GRAMD4: variants seen among roughly 807,000 people sequenced by gnomAD.
GRAMD4 encodes the protein GRAM domain-containing protein 4.
In GRAMD4, 25 loss-of-function variants were observed where a neutral mutation model predicts 83.9. The ratio of observed to expected loss-of-function variants is 0.30; its 90% CI spans 0.22 to 0.42. GRAMD4 has a LOEUF of 0.42. Among genes scored for constraint, GRAMD4 ranks in the 10% least tolerant of loss-of-function variants. The pLI, the probability that GRAMD4 is intolerant of heterozygous loss-of-function variation, is 1.00. For synonymous variants in GRAMD4, 336 were observed against 320.9 expected, an observed-to-expected ratio of 1.05 and a Z score of -0.50; for missense variants, 593 against 788.7, an observed-to-expected ratio of 0.75 and a Z score of 2.97.
chr22:46,647,134 T>C (rs369876835), intron 3 of GRAMD4, among the ~76,000 whole-genome samples: 109 of 152,284 alleles, frequency 7.2e-4, no homozygotes, highest in African/African-American at 2.5e-3. Flanking sequence ...TGGGTTGGTC[T>C]GGTTCTGCCC....
At chr22:46,613,977 G>C (rs551428099) in intron 1 of GRAMD4, among the ~76,000 whole-genome samples, 36 of 152,232 alleles carry the variant, frequency 2.4e-4, no homozygotes, top group African/African-American at 8.4e-4. Flanking sequence ...TCATGGCCGC[G>C]GCTGCAGCAG....
chr22:46,602,042 AAG>A (rs1477073599), intron 1 of GRAMD4, among the ~76,000 whole-genome samples: 7 of 152,138 alleles, frequency 4.6e-5, no homozygotes. Context: ...ACGTGCTGGC[AAG>A]TGACCACGTC....
At chr22:46,616,688 A>G (rs1485312359), upstream of GRAMD4, among the ~76,000 whole-genome samples, 1 of 87,220 alleles carries the variant, frequency 1.1e-5, no homozygotes, top group African/African-American at 4.6e-5. Flanking sequence ...CTGTGCGTGT[A>G]GGTTCCCCTG....
At chr22:46,608,091 G>A (rs909102607) in intron 1 of GRAMD4, among the ~76,000 whole-genome samples, 1 of 152,204 alleles carries the variant, frequency 6.6e-6, no homozygotes, top group African/African-American at 2.4e-5. Context: ...TGCGTGGCTC[G>A]GTCATTGTGG....
chr22:46,575,947 C>G (rs1476927056), upstream of GRAMD4: 1 of 152,352 alleles, frequency 6.6e-6, no homozygotes, highest in Admixed American at 6.5e-5. Flanking sequence ...CAAAGAGAGG[C>G]CCTGAATCTT....
chr22:46,589,950 C>T (rs1307601254), intron 1 of GRAMD4, among the ~76,000 whole-genome samples: 4 of 152,256 alleles, frequency 2.6e-5, no homozygotes, highest in African/African-American at 9.6e-5. Context: ...CCCCTCGTGG[C>T]CCTCCCTGCT....
At chr22:46,583,576 T>C (rs1176670164) in intron 1 of GRAMD4, among the ~76,000 whole-genome samples, 2 of 152,174 alleles carry the variant, frequency 1.3e-5, no homozygotes, top group African/African-American at 2.4e-5. Flanking sequence ...AAATAGTAGG[T>C]GTATTGTGGG....
Position 46,679,522 on chromosome 22 carries a change from T to C in GRAMD4, c.*2271T>C. 1.0e-6 allele frequency: 1 copy of C among 985,582 alleles called. No individual in the cohort carries two copies. The highest frequency in any genetic ancestry group is 1.2e-6 in the Non-Finnish European group (1 of 829,864). 61.1% of individuals were successfully genotyped at this position (985,582 alleles called of 1,614,324 possible). A position where few individuals can be genotyped will look rare whatever the true frequency, so the allele number is the denominator to read the frequency against. On this transcript the variant is annotated 3_prime_UTR_variant, in exon 19 of 19. Coordinates refer to ENST00000406902, the MANE Select transcript of GRAMD4 (RefSeq NM_015124.5). ...TGTAGTTTTTACCAAATTGTGTACA[T>C]CTGGGCAGATGTTTAATTTCTGTGA... is the stretch of plus-strand genomic sequence containing the variant.
At chr22:46,642,349 C>T (rs576092065) in intron 3 of GRAMD4, among the ~76,000 whole-genome samples, 50 of 152,344 alleles carry the variant, frequency 3.3e-4, no homozygotes, top group African/African-American at 1.1e-3. Flanking sequence ...GTGTGTGGAC[C>T]TTCTCAGTGG....
At chr22:46,617,013 T>C (rs865895861), upstream of GRAMD4, among the ~76,000 whole-genome samples, 3,418 of 35,714 alleles carry the variant, frequency 0.096, 11 homozygotes, top group East Asian at 0.16. Flanking sequence ...CCTGTGCGTG[T>C]GGGTTCCCCC....
chr22:46,622,475 C>T lies in GRAMD4; in HGVS notation c.-50+1910C>T, dbSNP rs187521020. Among the ~76,000 whole-genome samples the T allele has an allele frequency of 6.6e-6, 1 of 152,280 alleles. No individual in the cohort carries two copies. The highest frequency in any genetic ancestry group is 6.5e-5 in the Admixed American group (1 of 15,298). On this transcript the variant is annotated intron_variant, in intron 1 of 18. Coordinates refer to ENST00000406902, the MANE Select transcript of GRAMD4 (RefSeq NM_015124.5). This position sits in a 1 kb window ranked among gnomAD's most constrained non-coding sequence, Gnocchi z 4.0. ...TCCTTCCTTTTTAAACATTAAAAAG[C>T]AGTAAAAATGGTGGTTACCGGGGGC...
At chr22:46,648,563 G>A (rs1335916275) in intron 3 of GRAMD4, among the ~76,000 whole-genome samples, 4 of 152,142 alleles carry the variant, frequency 2.6e-5, no homozygotes, top group South Asian at 2.1e-4. Flanking sequence ...TTAGATGGGT[G>A]GGTGAGTGGA....
intron 3 of GRAMD4, among the ~76,000 whole-genome samples, chr22:46,648,318 GTGGATGGA>G (rs141700422): frequency 0.012 from 1,820 of 146,930 alleles, 38 homozygotes; most frequent in African/African-American, 0.043. Context: ...AGACAAGTGA[GTGGATGGA>G]TGGATGGATG....
chr22:46,610,061 G>A (rs1271389858), intron 1 of GRAMD4, among the ~76,000 whole-genome samples: 1 of 152,170 alleles, frequency 6.6e-6, no homozygotes, highest in Non-Finnish European at 1.5e-5. Context: ...AGGGTGGATG[G>A]TGGCACGTGG....
upstream of GRAMD4, among the ~76,000 whole-genome samples, chr22:46,616,187 T>TGC (rs2081488973): frequency 8.9e-6 from 1 of 112,484 alleles, no homozygotes; most frequent in African/African-American, 3.6e-5. Context: ...CGTTCCCCTG[T>TGC]GTGTACGTTC....
chr22:46,649,993 AATTGGGCTGGG>A (rs1328646423), intron 3 of GRAMD4, among the ~76,000 whole-genome samples: 1 of 152,028 alleles, frequency 6.6e-6, no homozygotes, highest in African/African-American at 2.4e-5. Flanking sequence ...AGGAGGGCTG[AATTGGGCTGGG>A]AGAGTTCAGG....
intron 5 of GRAMD4, 128 bp from the exon 6 acceptor site, chr22:46,662,912 G>A: frequency 1.3e-6 from 1 of 779,206 alleles, no homozygotes; most frequent in Non-Finnish European, 2.0e-6. Context: ...CTACCCCCGA[G>A]CATTCCTTGT....
chr22:46,587,969 G>A, intron 1 of GRAMD4: 1 of 984,100 alleles, frequency 1.0e-6, no homozygotes, highest in Non-Finnish European at 1.2e-6. Context: ...TGAGGGTCCA[G>A]GGGGCCAGGG....
intron 3 of GRAMD4, among the ~76,000 whole-genome samples, chr22:46,643,468 T>G (rs2082021073): frequency 6.6e-6 from 1 of 152,230 alleles, no homozygotes; most frequent in South Asian, 2.1e-4. Flanking sequence ...AAGGATATTC[T>G]CTTATCTAAC....
Sources: allele counts gnomAD v4.1 joint callset (sites outside exome capture counted in the v4.1 genomes callset), GRCh38; gene constraint gnomAD v4.1.1; non-coding constraint Gnocchi (gnomAD v3.1); transcripts MANE v1.5; gene names NCBI Gene and HGNC (gene_info 2026-07-23, HGNC 2026-07-21).